Variants in ZCWPW2 observed in about 807,000 individuals in gnomAD.
ZCWPW2 encodes the protein zinc finger CW-type and PWWP domain containing 2, also known as zinc finger CW-type PWWP domain protein 2.
In ZCWPW2, 45 loss-of-function variants were observed where a neutral mutation model predicts 46.6. The ratio of observed to expected loss-of-function variants is 0.96; its 90% CI spans 0.76 to 1.24. The LOEUF is 1.24. Ranked by LOEUF, ZCWPW2 falls within the 50% of genes most tolerant of loss-of-function variation. The pLI is 0.00. For synonymous variants in ZCWPW2, 152 were observed against 137.1 expected, an observed-to-expected ratio of 1.11 and a Z score of -0.76; for missense variants, 429 against 403.9, an observed-to-expected ratio of 1.06 and a Z score of -0.53.
At position 28,472,879 on chromosome 3, in the gene ZCWPW2, A is replaced by G. The variant is rs192234261; in HGVS notation, c.493-5935A>G. 4.6e-4 allele frequency among the ~76,000 whole-genome samples: 69 copies of G among 149,248 alleles called. 3 individuals carry two copies. In the East Asian group the frequency reaches 0.013, roughly 28 times the overall value. ...AAGAAGCTCAAACAGTTCTATAGGA[A>G]AAAAAAAACAAACTAATAATCTAAT... is the stretch of plus-strand genomic sequence containing the variant. On this transcript the variant is annotated intron_variant, in intron 4 of 9. Transcript: ENST00000383768.
At chr3:28,440,497 A>G (rs1697706931) in intron 4 of ZCWPW2, among the ~76,000 whole-genome samples, 1 of 152,212 alleles carries the variant, frequency 6.6e-6, no homozygotes, top group South Asian at 2.1e-4. Context: ...ACAGTACCAT[A>G]TAATGGATGC....
chr3:28,373,433 C>G (rs879577078), intron 1 of ZCWPW2, among the ~76,000 whole-genome samples: 1 of 151,662 alleles, frequency 6.6e-6, no homozygotes, highest in Admixed American at 6.6e-5. Flanking sequence ...TTTCATATAC[C>G]TATTGGCCAT....
chr3:28,522,395 C>T (rs1700747115), intron 9 of ZCWPW2, among the ~76,000 whole-genome samples: 1 of 152,154 alleles, frequency 6.6e-6, no homozygotes, highest in Admixed American at 6.6e-5. Context: ...CTTACTTCAT[C>T]TCTCTTTTCC....
chr3:28,368,388 T>C (rs570245020), intron 1 of ZCWPW2, among the ~76,000 whole-genome samples: 31 of 152,308 alleles, frequency 2.0e-4, no homozygotes, highest in African/African-American at 7.2e-4. Context: ...TGCTTGTCTG[T>C]AAATAATTTT....
At chr3:28,501,121 G>A (rs773117427) in intron 6 of ZCWPW2, among the ~76,000 whole-genome samples, 7 of 152,074 alleles carry the variant, frequency 4.6e-5, no homozygotes, top group Admixed American at 1.3e-4. Flanking sequence ...TTTTATTAGC[G>A]ATTCATGAAT....
At chr3:28,444,252 T>C (rs1279989886) in intron 4 of ZCWPW2, among the ~76,000 whole-genome samples, 2 of 152,126 alleles carry the variant, frequency 1.3e-5, no homozygotes, top group African/African-American at 4.8e-5. Context: ...ATGGTCACAC[T>C]CTCAACCTCA....
rs1025358493 is a variant in ZCWPW2 at position 28,348,792 on chromosome 3, A to C, written c.-545A>C. On this transcript the variant is annotated 5_prime_UTR_variant, in exon 1 of 10. Transcript: ENST00000383768. The stretch of plus-strand genomic sequence containing the variant: ...CGCGGAGGGAGTCCCATTTCTTCTG[A>C]CTCGGCAGGAGCCCGGGACGTTCTG... 1 of 223,464 alleles carries C rather than the reference A, an allele frequency of 4.5e-6. No individual in the cohort carries two copies. The highest frequency in any genetic ancestry group is 2.4e-5 in the African/African-American group (1 of 42,492). The allele number at this position is 223,464 out of a possible 1,614,324, so 13.8% of individuals were successfully genotyped here. A position where few individuals can be genotyped will look rare whatever the true frequency, so the allele number is the denominator to read the frequency against.
chr3:28,511,930 T>C (rs1700437195), intron 6 of ZCWPW2, among the ~76,000 whole-genome samples: 2 of 152,180 alleles, frequency 1.3e-5, no homozygotes, highest in Admixed American at 6.6e-5. Context: ...AAAATTGTAA[T>C]TTTTTTCATA....
At chr3:28,463,519 TATACTC>T (rs1322936250) in intron 4 of ZCWPW2, among the ~76,000 whole-genome samples, 3 of 152,194 alleles carry the variant, frequency 2.0e-5, no homozygotes, top group Non-Finnish European at 2.9e-5. Flanking sequence ...AATTAATAGA[TATACTC>T]AGATTTTAGT....
intron 5 of ZCWPW2, among the ~76,000 whole-genome samples, chr3:28,483,323 T>G (rs1166874395): frequency 6.6e-6 from 1 of 152,186 alleles, no homozygotes; most frequent in East Asian, 1.9e-4. Flanking sequence ...TCTGGGTTCT[T>G]TATTCTGTTC....
chr3:28,520,008 A>AT (rs58068293), intron 8 of ZCWPW2, among the ~76,000 whole-genome samples: 311 of 123,616 alleles, frequency 2.5e-3, no homozygotes, highest in Non-Finnish European at 3.0e-3. Flanking sequence ...TTTTTTGCCT[A>AT]TTTTTTTTTT....
At chr3:28,458,355 G>A (rs888785989) in intron 4 of ZCWPW2, among the ~76,000 whole-genome samples, 1 of 152,136 alleles carries the variant, frequency 6.6e-6, no homozygotes, top group East Asian at 1.9e-4. Context: ...TATGAGCATT[G>A]AAGAACTTAG....
chr3:28,455,776 T>C (rs1698399717), intron 4 of ZCWPW2, among the ~76,000 whole-genome samples: 1 of 152,202 alleles, frequency 6.6e-6, no homozygotes, highest in Admixed American at 6.5e-5. Flanking sequence ...GTCAGTTTTG[T>C]TTAAGATCAG....
chr3:28,452,596 C>T (rs935336033), intron 4 of ZCWPW2, among the ~76,000 whole-genome samples: 44 of 152,074 alleles, frequency 2.9e-4, no homozygotes, highest in African/African-American at 1.1e-3. Flanking sequence ...GCCTGGCCAC[C>T]TTATCTTTAA....
intron 6 of ZCWPW2, among the ~76,000 whole-genome samples, chr3:28,507,609 T>C (rs906460087): frequency 2.6e-5 from 4 of 152,174 alleles, no homozygotes; most frequent in African/African-American, 4.8e-5. Flanking sequence ...TCACATGTTA[T>C]TGCATTTTTG....
intron 2 of ZCWPW2, among the ~76,000 whole-genome samples, chr3:28,401,641 T>C (rs1294125291): frequency 1.3e-5 from 2 of 152,158 alleles, no homozygotes; most frequent in African/African-American, 2.4e-5. Flanking sequence ...TACATTCTTT[T>C]CAGCAGCACA....
chr3:28,455,181 C>G (rs549106216), intron 4 of ZCWPW2, among the ~76,000 whole-genome samples: 1 of 152,264 alleles, frequency 6.6e-6, no homozygotes, highest in African/African-American at 2.4e-5. Flanking sequence ...GCCATTCTGA[C>G]TGGTGTGAGA....
chr3:28,362,074 C>T (rs956793245), intron 1 of ZCWPW2, among the ~76,000 whole-genome samples: 10 of 152,034 alleles, frequency 6.6e-5, no homozygotes, highest in East Asian at 1.9e-4. Flanking sequence ...TCTATATTCT[C>T]GTGTTCATTG....
chr3:28,401,276 AC>A (rs1283236963), intron 2 of ZCWPW2, among the ~76,000 whole-genome samples: 1 of 152,192 alleles, frequency 6.6e-6, no homozygotes, highest in East Asian at 1.9e-4. Context: ...ACATCTGAAT[AC>A]TAACATTGAA....
Sources: allele counts gnomAD v4.1 joint callset (sites outside exome capture counted in the v4.1 genomes callset), GRCh38; gene constraint gnomAD v4.1.1; transcripts MANE v1.5; gene names NCBI Gene and HGNC (gene_info 2026-07-23, HGNC 2026-07-21).